The following LDB2 variants were observed in gnomAD, a reference collection of about 807,000 sequenced individuals.
The protein encoded by LDB2 is LIM domain-binding protein 2.
A neutral mutation model predicts 44.3 loss-of-function variants in LDB2; 12 were observed. That is an observed-to-expected ratio of 0.27 (90% CI 0.17 to 0.44). The LOEUF is 0.44. Ranked by LOEUF, LDB2 falls within the 20% of genes least tolerant of loss-of-function variation. The pLI, the probability that LDB2 is intolerant of heterozygous loss-of-function variation, is 1.00. For synonymous variants in LDB2, 164 were observed against 174.8 expected, an observed-to-expected ratio of 0.94 and a Z score of 0.49; for missense variants, 344 against 473.5, an observed-to-expected ratio of 0.73 and a Z score of 2.54.
chr4:16,565,162 C>T (rs1309880121), intron 5 of LDB2, among the ~76,000 whole-genome samples: 1 of 152,146 alleles, frequency 6.6e-6, no homozygotes, highest in Non-Finnish European at 1.5e-5. Flanking sequence ...CTCAGACCTA[C>T]CACTTACTGG....
chr4:16,801,074 C>G (rs1777737091), intron 1 of LDB2, among the ~76,000 whole-genome samples: 4 of 152,208 alleles, frequency 2.6e-5, no homozygotes. Flanking sequence ...TCAAAGCTCC[C>G]CATCTTGGTT....
intron 5 of LDB2, among the ~76,000 whole-genome samples, chr4:16,570,818 GCTTA>G (rs1746254638): frequency 6.6e-6 from 1 of 152,096 alleles, no homozygotes; most frequent in Admixed American, 6.5e-5. Context: ...TTTATTGTAT[GCTTA>G]CTATGTGCCA....
chr4:16,551,099 A>G (rs1026558476), intron 5 of LDB2, among the ~76,000 whole-genome samples: 1 of 152,228 alleles, frequency 6.6e-6, no homozygotes, highest in Non-Finnish European at 1.5e-5. Flanking sequence ...ATGCATAATT[A>G]TGCATCAAAT....
At chr4:16,611,429 T>C (rs1373163428) in intron 2 of LDB2, among the ~76,000 whole-genome samples, 1 of 151,770 alleles carries the variant, frequency 6.6e-6, no homozygotes, top group African/African-American at 2.4e-5. Flanking sequence ...AAATTGGATA[T>C]GGAGTCAAGA....
At chr4:16,776,938 C>T (rs896150575) in intron 1 of LDB2, among the ~76,000 whole-genome samples, 6 of 152,192 alleles carry the variant, frequency 3.9e-5, no homozygotes, top group African/African-American at 1.4e-4. Flanking sequence ...GGGTGTTCAG[C>T]AGCATCTCTG....
chr4:16,863,158 G>C (rs1713315836), intron 1 of LDB2, among the ~76,000 whole-genome samples: 1 of 152,210 alleles, frequency 6.6e-6, no homozygotes, highest in Admixed American at 6.5e-5. Context: ...CCAGCCTGCT[G>C]AGTGCTCGCA....
chr4:16,565,056 G>A (rs960010239), intron 5 of LDB2, among the ~76,000 whole-genome samples: 9 of 152,002 alleles, frequency 5.9e-5, no homozygotes, highest in Non-Finnish European at 1.0e-4. Context: ...TAAAAGGAGT[G>A]GATTTTTTTT....
chr4:16,801,512 T>G (rs1466425315), intron 1 of LDB2, among the ~76,000 whole-genome samples: 1 of 152,162 alleles, frequency 6.6e-6, no homozygotes, highest in East Asian at 1.9e-4. Flanking sequence ...AGCAGACTCA[T>G]ACTGTAGACA....
rs576187741 is a variant in LDB2 at position 16,753,338 on chromosome 4, G to A, written c.235+5820C>T. 7.2e-5 allele frequency among the ~76,000 whole-genome samples: 11 copies of A among 152,294 alleles called. No individual in the cohort carries two copies. In the South Asian group the frequency reaches 2.3e-3, roughly 32 times the overall value. ...GAAACCGGAGATAGTGAACCTACTT[G>A]GGCCCCTTGCAGAATTTCTCTACCT... On this transcript the variant is annotated intron_variant, in intron 2 of 7. Coordinates refer to ENST00000304523, the MANE Select transcript of LDB2 (RefSeq NM_001290.5).
intron 2 of LDB2, among the ~76,000 whole-genome samples, chr4:16,695,916 T>C (rs1752026088): frequency 6.6e-6 from 1 of 152,226 alleles, no homozygotes; most frequent in South Asian, 2.1e-4. Context: ...AGCTTCAGGC[T>C]ATAGTTTCCC....
intron 1 of LDB2, among the ~76,000 whole-genome samples, chr4:16,819,171 G>C (rs1332084265): frequency 2.0e-5 from 3 of 151,824 alleles, no homozygotes; most frequent in Non-Finnish European, 2.9e-5. Context: ...ATAGGTTACA[G>C]ATAGAAAAGT....
chr4:16,616,601 G>A (rs1727398288), intron 2 of LDB2, among the ~76,000 whole-genome samples: 2 of 152,052 alleles, frequency 1.3e-5, no homozygotes, highest in Non-Finnish European at 2.9e-5. Flanking sequence ...TGTAGGTTGG[G>A]GAGACAAGGC....
chr4:16,583,058 G>A (rs1399124005), intron 5 of LDB2, among the ~76,000 whole-genome samples: 5 of 152,268 alleles, frequency 3.3e-5, no homozygotes, highest in South Asian at 2.1e-4. Flanking sequence ...TCCACAGCTC[G>A]GCCATCCTCA....
intron 2 of LDB2, among the ~76,000 whole-genome samples, chr4:16,692,580 T>G (rs947035142): frequency 3.3e-5 from 5 of 152,188 alleles, no homozygotes; most frequent in African/African-American, 9.7e-5. Flanking sequence ...TCCTCTTCTT[T>G]TTTGGTAAAG....
chr4:16,641,423 G>A (rs1735129828), intron 2 of LDB2, among the ~76,000 whole-genome samples: 1 of 152,132 alleles, frequency 6.6e-6, no homozygotes, highest in African/African-American at 2.4e-5. Context: ...GACTTGAGAG[G>A]TTTAATTGGC....
intron 5 of LDB2, among the ~76,000 whole-genome samples, chr4:16,580,993 T>G (rs1714156357): frequency 6.6e-6 from 1 of 152,190 alleles, no homozygotes; most frequent in Non-Finnish European, 1.5e-5. Context: ...TATTAGAAAT[T>G]TGAAATGATG....
chr4:16,503,730 T>TGATGAAGCTGGTAGTCATCAGAGATG (rs1718231545), intron 7 of LDB2, among the ~76,000 whole-genome samples: 1 of 152,220 alleles, frequency 6.6e-6, no homozygotes, highest in South Asian at 2.1e-4. Flanking sequence ...ATAATTACAT[T>TGATGAAGCTGGTAGTCATCAGAGATG]GATGAAGCTG....
intron 3 of LDB2, 122 bp downstream of exon 3, chr4:16,595,581 G>A (rs1413777968): frequency 3.9e-6 from 3 of 772,900 alleles, no homozygotes; most frequent in Non-Finnish European, 6.3e-6. Flanking sequence ...ATTCTCTCAT[G>A]GTGTTGAAAG....
intron 5 of LDB2, among the ~76,000 whole-genome samples, chr4:16,584,129 G>C (rs946550528): frequency 8.5e-5 from 13 of 152,190 alleles, no homozygotes; most frequent in Non-Finnish European, 1.6e-4. Flanking sequence ...ATCAAACAAT[G>C]ATGGGTACAC....
Sources: allele counts gnomAD v4.1 joint callset (sites outside exome capture counted in the v4.1 genomes callset), GRCh38; gene constraint gnomAD v4.1.1; transcripts MANE v1.5; gene names NCBI Gene and HGNC (gene_info 2026-07-23, HGNC 2026-07-21).